Variants in PTPRT observed in about 807,000 individuals in gnomAD.
The protein encoded by PTPRT is receptor-type tyrosine-protein phosphatase T.
Under a neutral mutation model 176.8 loss-of-function variants are expected in PTPRT, and 56 were observed. The ratio of observed to expected loss-of-function variants is 0.32; its 90% CI spans 0.26 to 0.40. The LOEUF is 0.40. PTPRT is among the 10% of genes least tolerant of loss of function. The probability of loss-of-function intolerance (pLI) is 1.00; values close to 1 mark genes in which losing one functional copy is unlikely to be tolerated. For missense variants in PTPRT, 1,540 were observed against 1,908.2 expected, an observed-to-expected ratio of 0.81 and a Z score of 3.60; for synonymous variants, 783 against 739.0, an observed-to-expected ratio of 1.06 and a Z score of -0.96.
At chr20:42,689,099 G>T (rs1053052822) in intron 6 of PTPRT, among the ~76,000 whole-genome samples, 20 of 152,136 alleles carry the variant, frequency 1.3e-4, no homozygotes, top group Admixed American at 5.9e-4. Flanking sequence ...CAAGCCTGAA[G>T]ACCCACAGAG....
chr20:42,477,757 G>A lies in PTPRT; in HGVS notation c.1154-5195C>T, dbSNP rs559674131. 2.6e-5 allele frequency among the ~76,000 whole-genome samples: 4 copies of A among 152,268 alleles called. No homozygotes were observed. In the South Asian group the frequency reaches 8.3e-4, roughly 32 times the overall value. Reference sequence around the variant, plus strand: ...CAGGCCAAGAAGATGACAAACAGTGGGAAGAGTGTGGCTTGTCTGGGAAGC... The same window carrying A: ...CAGGCCAAGAAGATGACAAACAGTGAGAAGAGTGTGGCTTGTCTGGGAAGC... On this transcript the variant is annotated intron_variant, in intron 7 of 30. Coordinates refer to ENST00000373187, the MANE Select transcript of PTPRT (RefSeq NM_007050.6).
chr20:42,662,833 C>CTG (rs3092121), intron 7 of PTPRT, among the ~76,000 whole-genome samples: 142,538 of 152,118 alleles, frequency 0.94, 66,864 homozygotes, highest in African/African-American at 0.98. Flanking sequence ...GATTCACTAA[C>CTG]TAATAAAAAT....
At chr20:43,070,739 A>G (rs113552741) in intron 1 of PTPRT, among the ~76,000 whole-genome samples, 16,666 of 151,684 alleles carry the variant, frequency 0.11, 1,189 homozygotes, top group African/African-American at 0.2. Context: ...AAAACCAAAC[A>G]CTGCATGTTC....
chr20:42,184,541 C>CTCCTCTTCTTCT, intron 16 of PTPRT, among the ~76,000 whole-genome samples: 1 of 91,624 alleles, frequency 1.1e-5, no homozygotes, highest in South Asian at 5.2e-4. Context: ...CTTCCTCTTC[C>CTCCTCTTCTTCT]TCTTCTTCTT....
intron 16 of PTPRT, among the ~76,000 whole-genome samples, chr20:42,165,370 A>G (rs1007323228): frequency 6.6e-6 from 1 of 152,234 alleles, no homozygotes; most frequent in African/African-American, 2.4e-5. Flanking sequence ...TAAGCAGGCC[A>G]CAGCCCTTGA....
At chr20:42,978,035 G>C (rs1365214049) in intron 1 of PTPRT, among the ~76,000 whole-genome samples, 2 of 151,762 alleles carry the variant, frequency 1.3e-5, no homozygotes, top group Admixed American at 6.6e-5. Flanking sequence ...TGGATGCCTG[G>C]TGCATTGGAT....
At chr20:42,486,935 C>T (rs1003238672) in intron 7 of PTPRT, among the ~76,000 whole-genome samples, 2 of 152,224 alleles carry the variant, frequency 1.3e-5, no homozygotes, top group East Asian at 1.9e-4. Flanking sequence ...TGAAGCCACT[C>T]GTCCCACAGT....
chr20:43,060,492 C>A (rs988009089), intron 1 of PTPRT, among the ~76,000 whole-genome samples: 1 of 152,192 alleles, frequency 6.6e-6, no homozygotes, highest in Non-Finnish European at 1.5e-5. Flanking sequence ...TGTCAATAAA[C>A]AAATTGTATG....
downstream of PTPRT, among the ~76,000 whole-genome samples, chr20:42,071,144 C>G (rs1982313557): frequency 1.3e-5 from 2 of 152,126 alleles, no homozygotes. Context: ...AAGAACCCTG[C>G]CAGGGTTCCC....
rs1210973574 is a variant in PTPRT at position 42,329,496 on chromosome 20, CACACACAT to C, written c.1866-13508_1866-13501del. ...TGGCACACACACACACACACACACA[CACACACAT>C]ACACACACACACACACACACAGGCA... On this transcript the variant is annotated intron_variant, in intron 11 of 30. Transcript: ENST00000373187. Among the ~76,000 whole-genome samples the C allele has an allele frequency of 2.3e-3, 324 of 142,622 alleles. 2 individuals carry two copies. The highest frequency in any genetic ancestry group is 3.6e-3 in the Middle Eastern group (1 of 278). 93.6% of individuals were successfully genotyped at this position (142,622 alleles called of 152,430 possible). A position where few individuals can be genotyped will look rare whatever the true frequency, so the allele number is the denominator to read the frequency against.
At chr20:42,158,937 C>T (rs555509846) in intron 17 of PTPRT, among the ~76,000 whole-genome samples, 10 of 152,196 alleles carry the variant, frequency 6.6e-5, no homozygotes, top group Admixed American at 2.0e-4. Context: ...AAGGGTACAA[C>T]GAAGAAAGTT....
chr20:42,394,915 T>A (rs2058834529), intron 9 of PTPRT, among the ~76,000 whole-genome samples: 1 of 152,218 alleles, frequency 6.6e-6, no homozygotes, highest in Non-Finnish European at 1.5e-5. Flanking sequence ...TATACATTGA[T>A]ATTGAGAAAT....
intron 1 of PTPRT, among the ~76,000 whole-genome samples, chr20:42,906,364 G>A (rs1013776888): frequency 3.9e-5 from 6 of 152,184 alleles, no homozygotes; most frequent in African/African-American, 9.7e-5. Flanking sequence ...GGAAAGCCAC[G>A]TTCCCACTCC....
At chr20:42,518,448 A>T (rs555747044) in intron 7 of PTPRT, among the ~76,000 whole-genome samples, 1 of 151,998 alleles carries the variant, frequency 6.6e-6, no homozygotes, top group Admixed American at 6.6e-5. Flanking sequence ...GATTTCTTTC[A>T]TGGTCACAGT....
intron 7 of PTPRT, among the ~76,000 whole-genome samples, chr20:42,595,314 T>C (rs187829345): frequency 4.0e-4 from 61 of 152,108 alleles, no homozygotes; most frequent in Admixed American, 3.8e-3. Context: ...GGCCAGAAAA[T>C]TCTTTTCTTG....
chr20:43,055,359 T>G lies in PTPRT; in HGVS notation c.88+134287A>C, dbSNP rs542023892. On this transcript the variant is annotated intron_variant, in intron 1 of 30. Coordinates refer to ENST00000373187, the MANE Select transcript of PTPRT (RefSeq NM_007050.6). ...TTGGCCTCCTTCAGTTCCTGTCAACTAAGGGGGCAGGAAAACGTCGAGGAA... is the reference window on the plus strand; with the variant it reads ...TTGGCCTCCTTCAGTTCCTGTCAACGAAGGGGGCAGGAAAACGTCGAGGAA... Among the ~76,000 whole-genome samples, 3 of 152,250 alleles carry G rather than the reference T, an allele frequency of 2.0e-5. No individual in the cohort carries two copies. In the South Asian group the frequency reaches 6.2e-4, roughly 32 times the overall value.
At chr20:43,016,347 C>T (rs1030606878) in intron 1 of PTPRT, among the ~76,000 whole-genome samples, 2 of 152,066 alleles carry the variant, frequency 1.3e-5, no homozygotes, top group Non-Finnish European at 2.9e-5. Flanking sequence ...TTCCAACCAG[C>T]CTCTCCCCTT....
intron 13 of PTPRT, among the ~76,000 whole-genome samples, chr20:42,263,043 C>T (rs1398079877): frequency 6.6e-6 from 1 of 151,948 alleles, no homozygotes; most frequent in Non-Finnish European, 1.5e-5. Flanking sequence ...AAGGCAAGTA[C>T]CACTCACATG....
intron 7 of PTPRT, among the ~76,000 whole-genome samples, chr20:42,629,321 A>C (rs1419128127): frequency 6.6e-6 from 1 of 152,164 alleles, no homozygotes; most frequent in Non-Finnish European, 1.5e-5. Flanking sequence ...AGATGGAACT[A>C]TAGTTGTCAA....
Sources: gnomAD v4.1 joint callset for allele counts (sites outside exome capture counted in the v4.1 genomes callset) on GRCh38, gnomAD v4.1.1 for gene constraint, MANE v1.5 for transcripts, NCBI Gene and HGNC (gene_info 2026-07-23, HGNC 2026-07-21) for gene names.